CHODL: variants seen among roughly 807,000 people sequenced by gnomAD.
CHODL encodes chondrolectin.
In CHODL, 29 loss-of-function variants were observed where a neutral mutation model predicts 34.5. That is an observed-to-expected ratio of 0.84 (90% CI 0.63 to 1.15). The LOEUF (loss-of-function observed/expected upper bound fraction) is 1.15. Ranked by LOEUF, CHODL falls within the 50% of genes most tolerant of loss-of-function variation. CHODL has a pLI of 0.00. For missense variants in CHODL, 332 were observed against 332.5 expected (o/e 1.00, Z 0.01); for synonymous variants, 125 against 116.1 (o/e 1.08, Z -0.49).
At chr21:18,058,555 G>A (rs550947965) in intron 2 of CHODL, among the ~76,000 whole-genome samples, 1 of 152,218 alleles carries the variant, frequency 6.6e-6, no homozygotes, top group Non-Finnish European at 1.5e-5. Flanking sequence ...TGAGCTTGGA[G>A]GACATTATGT....
intron 2 of CHODL, among the ~76,000 whole-genome samples, chr21:18,235,732 A>G (rs570086551): frequency 1.3e-5 from 2 of 152,278 alleles, no homozygotes; most frequent in African/African-American, 4.8e-5. Flanking sequence ...TGAAAATAGC[A>G]TTTGGTTGCT....
At chr21:18,228,298 C>T (rs1407285359) in intron 2 of CHODL, among the ~76,000 whole-genome samples, 1 of 152,114 alleles carries the variant, frequency 6.6e-6, no homozygotes, top group Non-Finnish European at 1.5e-5. Flanking sequence ...GACAAGTAGT[C>T]ATTAGGCCAT....
intron 2 of CHODL, among the ~76,000 whole-genome samples, chr21:18,064,831 G>A (rs2064712430): frequency 6.6e-6 from 1 of 152,118 alleles, no homozygotes; most frequent in Non-Finnish European, 1.5e-5. Flanking sequence ...TCTCCTATAG[G>A]TTCTGTTTCT....
chr21:18,057,712 C>G (rs1327635693), intron 2 of CHODL, among the ~76,000 whole-genome samples: 1 of 151,970 alleles, frequency 6.6e-6, no homozygotes, highest in Non-Finnish European at 1.5e-5. Context: ...TTATATAACC[C>G]TGAAAGTCTG....
intron 1 of CHODL, among the ~76,000 whole-genome samples, chr21:18,254,914 C>T (rs73893043): frequency 6.6e-6 from 1 of 151,938 alleles, no homozygotes; most frequent in African/African-American, 2.4e-5. Context: ...TAAGACTTCA[C>T]AGATGTTATT....
chr21:17,975,164 T>A (rs938374969), intron 1 of CHODL, among the ~76,000 whole-genome samples: 2 of 151,984 alleles, frequency 1.3e-5, no homozygotes, highest in Non-Finnish European at 2.9e-5. Flanking sequence ...TATGTCCTTT[T>A]CAGCAACATG....
intron 2 of CHODL, among the ~76,000 whole-genome samples, chr21:18,220,567 C>G (rs1375365364): frequency 6.6e-6 from 1 of 152,102 alleles, no homozygotes; most frequent in Non-Finnish European, 1.5e-5. Flanking sequence ...ATATAGGACT[C>G]CCTTAAGCAT....
chr21:18,101,975 A>G (rs1004921429), intron 2 of CHODL, among the ~76,000 whole-genome samples: 3 of 152,192 alleles, frequency 2.0e-5, no homozygotes, highest in East Asian at 1.9e-4. Flanking sequence ...AAAATTTTCA[A>G]TTAAAGATGA....
intron 1 of CHODL, among the ~76,000 whole-genome samples, chr21:17,920,319 G>A (rs534668874): frequency 1.3e-5 from 2 of 152,310 alleles, no homozygotes; most frequent in East Asian, 3.9e-4. Context: ...GTTTCACATA[G>A]CTGGGGAGGC....
At chr21:18,252,240 T>C (rs2074266058) in intron 1 of CHODL, among the ~76,000 whole-genome samples, 1 of 152,086 alleles carries the variant, frequency 6.6e-6, no homozygotes, top group Admixed American at 6.6e-5. Flanking sequence ...ATAGAACCCG[T>C]TATATGGTTC....
intron 1 of CHODL, among the ~76,000 whole-genome samples, chr21:17,984,170 C>G (rs1399222645): frequency 6.6e-6 from 1 of 152,168 alleles, no homozygotes. Context: ...CCTTCCGTGA[C>G]TGGCTTATTT....
At chr21:18,172,792 A>G (rs760840773) in intron 2 of CHODL, among the ~76,000 whole-genome samples, 3 of 152,134 alleles carry the variant, frequency 2.0e-5, no homozygotes, top group Non-Finnish European at 4.4e-5. Context: ...AACAACACCC[A>G]TTTATTGCCT....
At position 18,256,505 on chromosome 21, in the gene CHODL, TC is replaced by T. The variant is rs764130564; in HGVS notation, c.80-3del. 1.0e-5 allele frequency: 16 copies of T among 1,575,720 alleles called. No homozygotes were observed. Among genetic ancestry groups the T allele is most frequent in the Non-Finnish European group, 1.3e-5 (15 of 1,164,656 alleles). ...ATATATGGGCATCTTTTTTTTTTTT[TC>T]AGGCCAAAAGGTGTGTTTTGCTGAC... is the stretch of plus-strand genomic sequence containing the variant. On this transcript the variant is annotated splice_region_variant and splice_polypyrimidine_tract_variant and intron_variant, in intron 1 of 5. Coordinates refer to ENST00000299295, the MANE Select transcript of CHODL (RefSeq NM_024944.3).
At chr21:18,014,586 G>C (rs2064053067) in intron 1 of CHODL, among the ~76,000 whole-genome samples, 1 of 152,158 alleles carries the variant, frequency 6.6e-6, no homozygotes, top group Non-Finnish European at 1.5e-5. Flanking sequence ...GGGTCATCAG[G>C]GTGGATCCTT....
intron 2 of CHODL, among the ~76,000 whole-genome samples, chr21:18,133,772 C>T (rs1291772074): frequency 6.6e-6 from 1 of 152,046 alleles, no homozygotes; most frequent in East Asian, 1.9e-4. Context: ...CTGTAGGGCA[C>T]GGGGGTGATA....
chr21:18,090,497 A>G (rs2065059398), intron 2 of CHODL, among the ~76,000 whole-genome samples: 2 of 152,196 alleles, frequency 1.3e-5, no homozygotes, highest in South Asian at 4.1e-4. Context: ...TTCAGGTAAT[A>G]GAAGATAACT....
At chr21:17,994,514 G>T (rs1159260706) in intron 1 of CHODL, among the ~76,000 whole-genome samples, 1 of 152,186 alleles carries the variant, frequency 6.6e-6, no homozygotes, top group Non-Finnish European at 1.5e-5. Context: ...TTGGGGCTCT[G>T]GGAGGCATGC....
chr21:18,107,511 G>A (rs949894320), intron 2 of CHODL, among the ~76,000 whole-genome samples: 2 of 152,206 alleles, frequency 1.3e-5, no homozygotes, highest in Non-Finnish European at 2.9e-5. Flanking sequence ...CAAGAACTTA[G>A]TCGCATCTGT....
At chr21:17,992,172 C>T (rs1390807996) in intron 1 of CHODL, among the ~76,000 whole-genome samples, 3 of 151,972 alleles carry the variant, frequency 2.0e-5, no homozygotes, top group African/African-American at 7.3e-5. Context: ...TATTATTTTC[C>T]ATTGGCCTAT....
Sources: allele counts gnomAD v4.1 joint callset (sites outside exome capture counted in the v4.1 genomes callset), GRCh38; gene constraint gnomAD v4.1.1; transcripts MANE v1.5; gene names NCBI Gene and HGNC (gene_info 2026-07-23, HGNC 2026-07-21).